Variants in ILK observed in about 807,000 individuals in gnomAD.
The protein encoded by ILK is integrin linked kinase, also known as scaffold protein ILK.
ILK carries 37 observed loss-of-function variants against 57.8 expected under a neutral mutation model. That is an observed-to-expected ratio of 0.64 (90% CI 0.49 to 0.84). The LOEUF is 0.84. ILK is among the 40% of genes least tolerant of loss of function. ILK has a pLI of 0.00. For synonymous variants in ILK, 231 were observed against 202.2 expected (o/e 1.14, Z -1.21); for missense variants, 528 against 595.7 (o/e 0.89, Z 1.18).
At position 6,609,790 on chromosome 11, in the gene ILK, TAC is replaced by T. The variant is rs773109749; in HGVS notation, c.930_931del (p.Leu311ArgfsTer11). On this transcript the variant is annotated frameshift_variant, in exon 10 of 13. Transcript: ENST00000299421. LOFTEE classifies it high-confidence loss of function. ...GACATGGCAAGGGGCATGGCCTTCC[TAC>T]ACACACTAGAGCCCCTCATCCCACG... 1 of 1,614,186 alleles carries T rather than the reference TAC, an allele frequency of 6.2e-7. No individual in the cohort carries two copies. Among genetic ancestry groups the T allele is most frequent in the Non-Finnish European group, 8.5e-7 (1 of 1,180,020 alleles).
intron 12 of ILK, 54 bp downstream of exon 12, chr11:6,610,332 A>T: frequency 6.2e-7 from 1 of 1,613,850 alleles, no homozygotes; most frequent in South Asian, 1.1e-5. Context: ...TGATGGTGAA[A>T]ATAACTGTAG....
chr11:6,608,230 G>A lies in ILK; in HGVS notation c.255+19G>A, dbSNP rs201214821. On this transcript the variant is annotated intron_variant, in intron 3 of 12. Coordinates refer to ENST00000299421, the MANE Select transcript of ILK (RefSeq NM_004517.4). The surrounding 1 kb of genome is among the most constrained non-coding windows in gnomAD (Gnocchi z 4.9). ...ACAGAAGGTACGTACAAACTCCTTC[G>A]TCATCCACATCACATACATGCCATG... 4.0e-5 allele frequency: 65 copies of A among 1,613,810 alleles called. No individual in the cohort carries two copies. The highest frequency in any genetic ancestry group is 2.0e-4 in the East Asian group (9 of 44,878).
Position 6,608,292 on chromosome 11 carries a change from G to A in ILK, c.255+81G>A. Reference sequence around the variant, plus strand: ...CAGGCACTGTAACATACAGTAGAAAGCATGTGTGCTCTTCCCCCTTTTCCC... The same window carrying A: ...CAGGCACTGTAACATACAGTAGAAAACATGTGTGCTCTTCCCCCTTTTCCC... On this transcript the variant is annotated intron_variant, in intron 3 of 12. Coordinates refer to ENST00000299421, the MANE Select transcript of ILK (RefSeq NM_004517.4). This position sits in a 1 kb window ranked among gnomAD's most constrained non-coding sequence, Gnocchi z 4.9. 6.4e-7 allele frequency: 1 copy of A among 1,574,388 alleles called. No individual in the cohort carries two copies. Among genetic ancestry groups the A allele is most frequent in the East Asian group, 2.2e-5 (1 of 44,674 alleles).
intron 2 of ILK, chr11:6,604,838 T>G (rs1379093679): frequency 8.7e-6 from 4 of 457,336 alleles, no homozygotes; most frequent in Admixed American, 7.0e-5. Flanking sequence ...CATAATGAGA[T>G]TGTCCATTTT....
chr11:6,603,891 C>T, intron 1 of ILK, 69 bp downstream of exon 1: 1 of 415,928 alleles, frequency 2.4e-6, no homozygotes, highest in Non-Finnish European at 4.4e-6. Context: ...AGGAACGGAG[C>T]CAACCCTGGG....
Position 6,610,085 on chromosome 11 carries a change from A to AGTGGAAGGGGGCAGAGACAGGAC in ILK, c.1078+51_1079-40dup, listed in dbSNP as rs1855347509. On this transcript the variant is annotated intron_variant, in intron 11 of 12. Transcript: ENST00000299421. ...GGTAAAAAAGGACCACCTCAGAAGT[A>AGTGGAAGGGGGCAGAGACAGGAC]GTGGAAGGGGGCAGAGACAGGACAG... The AGTGGAAGGGGGCAGAGACAGGAC allele has an allele frequency of 2.5e-6, 4 of 1,613,890 alleles. No individual in the cohort carries two copies. In the African/African-American group the frequency reaches 5.3e-5, roughly 22 times the overall value.
chr11:6,609,755 G>A lies in ILK; in HGVS notation c.888G>A (p.Lys296=). 6.2e-7 allele frequency: 1 copy of A among 1,614,180 alleles called. No homozygotes were observed. Among genetic ancestry groups the A allele is most frequent in the Non-Finnish European group, 8.5e-7 (1 of 1,180,034 alleles). The change falls in exon 10 of 13, where the codon AAG becomes AAA. Residue 296 remains lysine (K), a synonymous_variant. Transcript: ENST00000299421. ...TCGTGGACCAGAGCCAGGCTGTGAA[G>A]TTTGCTTTGGACATGGCAAGGGGCA... ...NFVVDQSQAV[K]FALDMARGMA...
intron 2 of ILK, chr11:6,607,835 A>G: frequency 1.7e-6 from 1 of 586,884 alleles, no homozygotes. Context: ...ATTTTTTTAT[A>G]GAGGTTGTTG....
chr11:6,610,726 C>A lies in ILK; in HGVS notation c.*115C>A. Reference sequence around the variant, plus strand: ...CCCCGCCTCCAGTCATGGTACTACCCCAGCCATGGGGTCCATCCCCTTCCC... The same window carrying A: ...CCCCGCCTCCAGTCATGGTACTACCACAGCCATGGGGTCCATCCCCTTCCC... On this transcript the variant is annotated 3_prime_UTR_variant, in exon 13 of 13. Transcript: ENST00000299421. The A allele has an allele frequency of 7.1e-7, 1 of 1,411,856 alleles. No homozygotes were observed. Among genetic ancestry groups the A allele is most frequent in the Non-Finnish European group, 9.9e-7 (1 of 1,007,562 alleles). 87.5% of individuals were successfully genotyped at this position (1,411,856 alleles called of 1,614,324 possible). A position where few individuals can be genotyped will look rare whatever the true frequency, so the allele number is the denominator to read the frequency against.
chr11:6,607,091 C>T (rs1369051530), intron 2 of ILK: 1 of 152,418 alleles, frequency 6.6e-6, no homozygotes, highest in African/African-American at 2.4e-5. Context: ...TAGAGTCGCA[C>T]ACAGGAAGTG....
In ILK at chr11:6,609,294, T is replaced by C; in HGVS notation, c.619-5T>C. The stretch of plus-strand genomic sequence containing the variant: ...CAAGCCTCCTAACCCCTACCTGTCC[T>C]GCAGCTATGGAAGGGCCGCTGGCAG... On this transcript the variant is annotated splice_polypyrimidine_tract_variant and splice_region_variant and intron_variant, in intron 7 of 12. Transcript: ENST00000299421. 6.2e-7 allele frequency: 1 copy of C among 1,613,762 alleles called. No individual in the cohort carries two copies. Among genetic ancestry groups the C allele is most frequent in the Admixed American group, 1.7e-5 (1 of 60,006 alleles).
intron 2 of ILK, 144 bp downstream of exon 2, chr11:6,604,504 T>C (rs1173204757): frequency 1.3e-6 from 1 of 746,792 alleles, no homozygotes; most frequent in Non-Finnish European, 2.3e-6. Flanking sequence ...GCAGAGGGTT[T>C]TCACAGAGGA....
chr11:6,610,178 G>C lies in ILK; in HGVS notation c.1109G>C (p.Arg370Thr). Residue 370 changes from arginine (R) to threonine (T), a missense_variant, in exon 12 of 13, where the codon AGA becomes ACA. Physicochemically the swap from Arg to Thr is moderately conservative, Grantham distance 71. Transcript: ENST00000299421. ...CAGAAGAAGCCTGAAGACACAAACA[G>C]ACGCTCAGCAGACATGTGGAGTTTT... Reference protein sequence around the residue: ...ALQKKPEDTNRRSADMWSFAV... With the variant: ...ALQKKPEDTNTRSADMWSFAV... The C allele has an allele frequency of 3.1e-6, 5 of 1,614,244 alleles. No individual in the cohort carries two copies. Among genetic ancestry groups the C allele is most frequent in the East Asian group, 4.5e-5 (2 of 44,890 alleles).
chr11:6,607,935 G>C, intron 2 of ILK, 111 bp from the exon 3 acceptor site: 1 of 1,135,282 alleles, frequency 8.8e-7, no homozygotes, highest in Non-Finnish European at 1.3e-6. Flanking sequence ...GAGAATCAAA[G>C]TCCTAGAGAG....
chr11:6,610,449 C>T lies in ILK; in HGVS notation c.1210-13C>T. On this transcript the variant is annotated splice_polypyrimidine_tract_variant and intron_variant, in intron 12 of 12. Transcript: ENST00000299421. ...CTCAAATTGTGAGGCTGCTTTTTTT[C>T]TTGTATTCGCAGGTGGCATTGGAAG... The T allele has an allele frequency of 1.2e-6, 2 of 1,614,144 alleles. No individual in the cohort carries two copies. Among genetic ancestry groups the T allele is most frequent in the Non-Finnish European group, 8.5e-7 (1 of 1,180,022 alleles).
Position 6,608,317 on chromosome 11 carries a change from C to T in ILK, c.256-77C>T, listed in dbSNP as rs1855148508. The T allele has an allele frequency of 6.4e-7, 1 of 1,566,722 alleles. No homozygotes were observed. The highest frequency in any genetic ancestry group is 8.8e-7 in the Non-Finnish European group (1 of 1,137,072). On this transcript the variant is annotated intron_variant, in intron 3 of 12. Transcript: ENST00000299421. This position sits in a 1 kb window ranked among gnomAD's most constrained non-coding sequence, Gnocchi z 4.9. ...GCATGTGTGCTCTTCCCCCTTTTCC[C>T]ATGCCCTGACACCAGTATCTCATTT...
intron 2 of ILK, 80 bp downstream of exon 2, chr11:6,604,440 T>TGGC: frequency 1.5e-6 from 2 of 1,318,748 alleles, no homozygotes; most frequent in Non-Finnish European, 2.1e-6. Context: ...TGTCTGGTGG[T>TGGC]GGCGGCTGCC....
rs892491854 is a variant in ILK at position 6,603,907 on chromosome 11, C to G, written c.-93+85C>G. 6.6e-5 allele frequency: 29 copies of G among 438,342 alleles called. No individual in the cohort carries two copies. The Admixed American group carries it at 8.2e-4, about 12-fold the overall frequency. The allele number at this position is 438,342 out of a possible 1,614,324, so 27.2% of individuals were successfully genotyped here. A position where few individuals can be genotyped will look rare whatever the true frequency, so the allele number is the denominator to read the frequency against. On this transcript the variant is annotated intron_variant, in intron 1 of 12. Coordinates refer to ENST00000299421, the MANE Select transcript of ILK (RefSeq NM_004517.4). ...GGAACGGAGCCAACCCTGGGGAGGA[C>G]CCCCGGTCCCCTCTCCCAGAGTATA... is the stretch of plus-strand genomic sequence containing the variant.
rs191096877 is a variant in ILK at position 6,610,029 on chromosome 11, C to A, written c.1072C>A (p.Pro358Thr). 1 of 1,614,154 alleles carries A rather than the reference C, an allele frequency of 6.2e-7. No homozygotes were observed. The highest frequency in any genetic ancestry group is 2.2e-5 in the East Asian group (1 of 44,884). The stretch of plus-strand genomic sequence containing the variant: ...CATGTATGCACCTGCCTGGGTAGCC[C>A]CCGAAGGTGAGTGAAGTCATCATGT... ...GRMYAPAWVAPEALQKKPEDT... is the reference protein window; with the variant it reads ...GRMYAPAWVATEALQKKPEDT... The change falls in exon 11 of 13, where the codon CCC becomes ACC. Residue 358 changes from proline to threonine, a missense_variant. By Grantham distance (38) the Pro-to-Thr change is conservative. Transcript: ENST00000299421.
Sources: gnomAD v4.1 joint callset for allele counts on GRCh38, gnomAD v4.1.1 for gene constraint, Gnocchi (gnomAD v3.1) non-coding constraint, MANE v1.5 for transcripts, NCBI Gene and HGNC (gene_info 2026-07-23, HGNC 2026-07-21) for gene names.